CAPN2: variants seen among roughly 807,000 people sequenced by gnomAD.
CAPN2 encodes calpain 2.
A neutral mutation model predicts 102.3 loss-of-function variants in CAPN2; 92 were observed. The ratio of observed to expected loss-of-function variants is 0.90; its 90% CI spans 0.76 to 1.07. CAPN2 has a LOEUF of 1.07. CAPN2 is among the 50% of genes least tolerant of loss of function. The pLI, the probability that CAPN2 is intolerant of heterozygous loss-of-function variation, is 0.00. For synonymous variants in CAPN2, 340 were observed against 355.4 expected (o/e 0.96, Z 0.49); for missense variants, 800 against 909.4 (o/e 0.88, Z 1.55).
chr1:223,770,044 G>C, intron 17 of CAPN2, 135 bp downstream of exon 17: 1 of 797,946 alleles, frequency 1.3e-6, no homozygotes, highest in Non-Finnish European at 2.1e-6. Flanking sequence ...GAAGCTCAGA[G>C]TGAGTAAAGA....
chr1:223,762,485 C>T (rs1298356401), intron 14 of CAPN2, among the ~76,000 whole-genome samples: 1 of 152,160 alleles, frequency 6.6e-6, no homozygotes, highest in Admixed American at 6.5e-5. Flanking sequence ...CTCTGTGTTC[C>T]TCCTTCCTTA....
intron 6 of CAPN2, among the ~76,000 whole-genome samples, chr1:223,750,186 A>G (rs1170592427): frequency 6.6e-6 from 1 of 152,204 alleles, no homozygotes; most frequent in Non-Finnish European, 1.5e-5. Flanking sequence ...TTGAAAGACT[A>G]ACATAATAAC....
At chr1:223,748,004 C>T (rs1033825000) in intron 5 of CAPN2, among the ~76,000 whole-genome samples, 1 of 151,914 alleles carries the variant, frequency 6.6e-6, no homozygotes, top group Non-Finnish European at 1.5e-5. Flanking sequence ...CACTCTTAGC[C>T]TGCTCTGAAT....
Position 223,748,416 on chromosome 1 carries a change from G to A in CAPN2, c.730-623G>A, listed in dbSNP as rs566236468. Among the ~76,000 whole-genome samples, 5 of 152,354 alleles carry A rather than the reference G, an allele frequency of 3.3e-5. No individual in the cohort carries two copies. The East Asian group carries it at 9.6e-4, about 29-fold the overall frequency. On this transcript the variant is annotated intron_variant, in intron 5 of 20. Coordinates refer to ENST00000295006, the MANE Select transcript of CAPN2 (RefSeq NM_001748.5). Reference sequence around the variant, plus strand: ...GAGGCAGAAGACCCTTTCTGCTCCAGCCCTTCTTCCCAGGCTCAACCTTCA... The same window carrying A: ...GAGGCAGAAGACCCTTTCTGCTCCAACCCTTCTTCCCAGGCTCAACCTTCA...
At chr1:223,715,313 C>T (rs1164094850) in intron 1 of CAPN2, among the ~76,000 whole-genome samples, 1 of 151,932 alleles carries the variant, frequency 6.6e-6, no homozygotes, top group Non-Finnish European at 1.5e-5. Flanking sequence ...AAGAAGGACC[C>T]CCGGGAAGAG....
chr1:223,726,019 C>T lies in CAPN2; in HGVS notation c.307+8188C>T, dbSNP rs1344966131. On this transcript the variant is annotated intron_variant, in intron 2 of 20. Transcript: ENST00000295006. This position sits in a 1 kb window ranked among gnomAD's most constrained non-coding sequence, Gnocchi z 4.4. ...CTCCGTCTCTCGGGAGACCAGGATC[C>T]GAGTGAGAAAGTTTCCCACGTTCAT... 6.6e-6 allele frequency among the ~76,000 whole-genome samples: 1 copy of T among 152,122 alleles called. No homozygotes were observed. The highest frequency in any genetic ancestry group is 2.4e-5 in the African/African-American group (1 of 41,406).
At chr1:223,720,789 C>T (rs963988904) in intron 2 of CAPN2, among the ~76,000 whole-genome samples, 2 of 152,052 alleles carry the variant, frequency 1.3e-5, no homozygotes, top group Non-Finnish European at 2.9e-5. Context: ...GCCACAGAGA[C>T]GGGAGAGTAA....
intron 1 of CAPN2, among the ~76,000 whole-genome samples, chr1:223,713,118 G>A (rs1291720100): frequency 3.3e-5 from 5 of 152,204 alleles, no homozygotes; most frequent in South Asian, 2.1e-4. Context: ...GGCGGGTCGA[G>A]GCGAATCACT....
chr1:223,753,631 G>A (rs1230640088), intron 9 of CAPN2, among the ~76,000 whole-genome samples: 1 of 150,388 alleles, frequency 6.6e-6, no homozygotes, highest in Non-Finnish European at 1.5e-5. Context: ...TCCATAATCT[G>A]AAAATGTGAA....
intron 15 of CAPN2, 85 bp downstream of exon 15, chr1:223,764,292 C>A: frequency 8.3e-7 from 1 of 1,201,328 alleles, no homozygotes; most frequent in Non-Finnish European, 1.2e-6. Flanking sequence ...CCCTCCATGT[C>A]TGGCTGCTGT....
rs10916634 is a variant in CAPN2 at position 223,726,156 on chromosome 1, T to C, written c.307+8325T>C. Among the ~76,000 whole-genome samples the C allele has an allele frequency of 0.78, 118,326 of 152,114 alleles. 47,259 individuals are homozygous for C. Among genetic ancestry groups the C allele is most frequent in the Admixed American group, 0.87 (13,328 of 15,298 alleles). ...CCCCTCAGGAAGTCAGGAAAATAGA[T>C]ACTGTCTTTGGGCTTCCTCCAGGAG... On this transcript the variant is annotated intron_variant, in intron 2 of 20. Transcript: ENST00000295006. The surrounding 1 kb of genome is among the most constrained non-coding windows in gnomAD (Gnocchi z 4.4).
chr1:223,712,338 C>T (rs960501422), upstream of CAPN2: 6 of 619,360 alleles, frequency 9.7e-6, no homozygotes, highest in African/African-American at 2.0e-5. Flanking sequence ...CGAGCCTCCC[C>T]GGCGCCGGGC....
At chr1:223,734,552 A>T (rs1779658) in intron 2 of CAPN2, among the ~76,000 whole-genome samples, 1 of 151,978 alleles carries the variant, frequency 6.6e-6, no homozygotes, top group South Asian at 2.1e-4. Context: ...CACCTTATGC[A>T]CTGCTTCACT....
intron 15 of CAPN2, among the ~76,000 whole-genome samples, chr1:223,765,724 C>T (rs1661296308): frequency 6.6e-6 from 1 of 152,094 alleles, no homozygotes; most frequent in Non-Finnish European, 1.5e-5. Context: ...GGGGTTGGTG[C>T]CCAGAGTGGC....
intron 5 of CAPN2, 94 bp from the exon 6 acceptor site, chr1:223,748,945 G>A (rs1242791531): frequency 1.7e-6 from 2 of 1,184,404 alleles, no homozygotes; most frequent in Non-Finnish European, 1.2e-6. Flanking sequence ...TAGTGCGTCC[G>A]GCGGTCCCGC....
At chr1:223,747,421 C>T (rs891096278) in intron 5 of CAPN2, among the ~76,000 whole-genome samples, 9 of 152,184 alleles carry the variant, frequency 5.9e-5, no homozygotes, top group African/African-American at 1.7e-4. Flanking sequence ...TTCCCTACCA[C>T]GCATTGGGAT....
intron 2 of CAPN2, among the ~76,000 whole-genome samples, chr1:223,721,558 AC>A (rs967567279): frequency 1.3e-5 from 2 of 152,164 alleles, no homozygotes; most frequent in Non-Finnish European, 2.9e-5. Flanking sequence ...TTTCATTGTA[AC>A]CCAGCAAATG....
chr1:223,722,762 A>C (rs1469202205), intron 2 of CAPN2, among the ~76,000 whole-genome samples: 3 of 152,152 alleles, frequency 2.0e-5, no homozygotes, highest in African/African-American at 7.2e-5. Flanking sequence ...ATGTTACATC[A>C]GTGTGGTACA....
chr1:223,764,255 G>A, intron 15 of CAPN2, 48 bp downstream of exon 15: 1 of 1,502,490 alleles, frequency 6.7e-7, no homozygotes, highest in African/African-American at 1.4e-5. Flanking sequence ...TTCCCCTGTG[G>A]ATGGGAGGGA....
Sources: allele counts gnomAD v4.1 joint callset (sites outside exome capture counted in the v4.1 genomes callset), GRCh38; gene constraint gnomAD v4.1.1; non-coding constraint Gnocchi (gnomAD v3.1); transcripts MANE v1.5; gene names NCBI Gene and HGNC (gene_info 2026-07-23, HGNC 2026-07-21).